Variants in CHRM3 observed in about 807,000 individuals in gnomAD.
CHRM3 encodes the protein muscarinic acetylcholine receptor M3.
A neutral mutation model predicts 41.8 loss-of-function variants in CHRM3; 11 were observed. The observed-to-expected ratio is 0.26, with a 90% CI of 0.17 to 0.44. The LOEUF (loss-of-function observed/expected upper bound fraction) is 0.44. Among genes scored for constraint, CHRM3 ranks in the 20% least tolerant of loss-of-function variants. The probability of loss-of-function intolerance (pLI) is 1.00; values close to 1 mark genes in which losing one functional copy is unlikely to be tolerated. For synonymous variants in CHRM3, 297 were observed against 301.4 expected (o/e 0.99, Z 0.15); for missense variants, 571 against 745.4 (o/e 0.77, Z 2.72).
chr1:239,831,764 G>A (rs1672913928), intron 6 of CHRM3, among the ~76,000 whole-genome samples: 2 of 152,158 alleles, frequency 1.3e-5, no homozygotes, highest in African/African-American at 4.8e-5. Context: ...AGGATCTTTG[G>A]CCAATAGCAT....
intron 5 of CHRM3, among the ~76,000 whole-genome samples, chr1:239,687,519 A>G (rs1659260894): frequency 2.0e-5 from 3 of 152,172 alleles, no homozygotes; most frequent in African/African-American, 7.2e-5. Context: ...AAACTCTTTA[A>G]CATTGAACAA....
At chr1:239,610,766 G>A (rs895351931) in intron 3 of CHRM3, among the ~76,000 whole-genome samples, 1 of 152,098 alleles carries the variant, frequency 6.6e-6, no homozygotes, top group Admixed American at 6.5e-5. Flanking sequence ...TTTAAGAAAT[G>A]CCCTAGGCCA....
At chr1:239,445,933 T>G (rs151188712) in intron 1 of CHRM3, among the ~76,000 whole-genome samples, 547 of 147,728 alleles carry the variant, frequency 3.7e-3, no homozygotes, top group African/African-American at 0.013. Flanking sequence ...ACATCTTGAA[T>G]GGTGTGCACT....
chr1:239,515,098 AT>A (rs1357150615), intron 2 of CHRM3, among the ~76,000 whole-genome samples: 2 of 152,028 alleles, frequency 1.3e-5, no homozygotes, highest in African/African-American at 4.8e-5. Context: ...AAATATTCTG[AT>A]TTTTTTCTCT....
chr1:239,763,643 G>T (rs1052931658), intron 5 of CHRM3, among the ~76,000 whole-genome samples: 1 of 152,018 alleles, frequency 6.6e-6, no homozygotes, highest in African/African-American at 2.4e-5. Context: ...CTGGAGATCT[G>T]CCCCCACCCC....
intron 5 of CHRM3, among the ~76,000 whole-genome samples, chr1:239,734,986 T>C (rs879783209): frequency 6.6e-6 from 1 of 152,174 alleles, no homozygotes; most frequent in Non-Finnish European, 1.5e-5. Flanking sequence ...ATTTGAAATA[T>C]AGGGCATTTG....
At chr1:239,558,219 A>G (rs1277160188) in intron 3 of CHRM3, among the ~76,000 whole-genome samples, 5 of 152,058 alleles carry the variant, frequency 3.3e-5, no homozygotes, top group Non-Finnish European at 5.9e-5. Flanking sequence ...TTTGATTTGC[A>G]TTTCTCTAAT....
chr1:239,750,307 T>C (rs1157047671), intron 5 of CHRM3, among the ~76,000 whole-genome samples: 1 of 152,126 alleles, frequency 6.6e-6, no homozygotes, highest in Non-Finnish European at 1.5e-5. Flanking sequence ...GCTAAAATAA[T>C]AAAATGGAAA....
At chr1:239,635,723 C>G (rs1334047323) in intron 4 of CHRM3, among the ~76,000 whole-genome samples, 1 of 152,202 alleles carries the variant, frequency 6.6e-6, no homozygotes, top group African/African-American at 2.4e-5. Flanking sequence ...TGTCGTTTAT[C>G]TCCCATTATA....
At chr1:239,502,067 CA>C (rs1277418531) in intron 2 of CHRM3, among the ~76,000 whole-genome samples, 1 of 151,870 alleles carries the variant, frequency 6.6e-6, no homozygotes, top group Admixed American at 6.6e-5. Flanking sequence ...AGAAAGGAAA[CA>C]ACCAAGATCA....
intron 2 of CHRM3, among the ~76,000 whole-genome samples, chr1:239,525,470 AT>A (rs1395309240): frequency 6.9e-6 from 1 of 144,274 alleles, no homozygotes; most frequent in African/African-American, 2.5e-5. Context: ...TTTTAAAATT[AT>A]TTTAACTGTA....
chr1:239,706,733 T>A (rs1661219353), intron 5 of CHRM3, among the ~76,000 whole-genome samples: 1 of 148,564 alleles, frequency 6.7e-6, no homozygotes, highest in Middle Eastern at 3.4e-3. Flanking sequence ...CATGGAGGCA[T>A]GCACAGGCAT....
rs1316657547 is a variant in CHRM3 at position 239,823,945 on chromosome 1, T to C, written c.-146-3307T>C. 2.6e-5 allele frequency among the ~76,000 whole-genome samples: 4 copies of C among 152,144 alleles called. No homozygotes were observed. In the East Asian group the frequency reaches 7.7e-4, roughly 29 times the overall value. On this transcript the variant is annotated intron_variant, in intron 5 of 6. Transcript: ENST00000676153. ...GGCGGAATTAGATCAGACGCTGACC[T>C]TTCACAAACACCTAAAGAAAACAGC...
chr1:239,503,401 A>G (rs2148147398), intron 2 of CHRM3, among the ~76,000 whole-genome samples: 1 of 152,300 alleles, frequency 6.6e-6, no homozygotes, highest in South Asian at 2.1e-4. Flanking sequence ...ACACTGCTGA[A>G]AGAAATCATA....
chr1:239,483,426 T>C (rs1666990092), intron 1 of CHRM3, among the ~76,000 whole-genome samples: 1 of 152,204 alleles, frequency 6.6e-6, no homozygotes, highest in Admixed American at 6.5e-5. Flanking sequence ...GAAGAGGCTC[T>C]TCACTATTGG....
chr1:239,635,517 C>T (rs1670369181), intron 4 of CHRM3, among the ~76,000 whole-genome samples: 1 of 152,190 alleles, frequency 6.6e-6, no homozygotes, highest in African/African-American at 2.4e-5. Flanking sequence ...CCAGTCAAAT[C>T]TCAACTGCCA....
At chr1:239,891,789 A>C (rs476756) in intron 6 of CHRM3, among the ~76,000 whole-genome samples, 119,779 of 152,094 alleles carry the variant, frequency 0.79, 49,376 homozygotes, top group East Asian at 0.93. Context: ...GAGCCACTCC[A>C]TGGCAGATGG....
intron 2 of CHRM3, among the ~76,000 whole-genome samples, chr1:239,535,426 G>A (rs765827180): frequency 4.0e-5 from 6 of 150,336 alleles, no homozygotes; most frequent in Admixed American, 6.7e-5. Flanking sequence ...TTTGAGTGGA[G>A]CGCCAATCAC....
intron 1 of CHRM3, among the ~76,000 whole-genome samples, chr1:239,420,102 A>G (rs980719155): frequency 7.2e-5 from 11 of 152,172 alleles, no homozygotes; most frequent in African/African-American, 2.7e-4. Flanking sequence ...CTGTAGTTTG[A>G]GGAGTAGAGT....
Sources: gnomAD v4.1 joint callset for allele counts (sites outside exome capture counted in the v4.1 genomes callset) on GRCh38, gnomAD v4.1.1 for gene constraint, MANE v1.5 for transcripts, NCBI Gene and HGNC (gene_info 2026-07-23, HGNC 2026-07-21) for gene names.